The following KCNA2 variants were observed in gnomAD, a reference collection of about 807,000 sequenced individuals.
The protein encoded by KCNA2 is potassium channel, voltage gated shaker related subfamily A, member 2.
Under a neutral mutation model 33.4 loss-of-function variants are expected in KCNA2, and 11 were observed. The observed-to-expected ratio is 0.33, with a 90% CI of 0.21 to 0.55. The LOEUF (loss-of-function observed/expected upper bound fraction) is 0.55, where lower values mean the gene tolerates loss of function less well. KCNA2 is among the 20% of genes least tolerant of loss of function. The probability of loss-of-function intolerance (pLI) is 0.93; values close to 1 mark genes in which losing one functional copy is unlikely to be tolerated. For missense variants in KCNA2, 291 were observed against 621.6 expected, an observed-to-expected ratio of 0.47 and a Z score of 5.66; for synonymous variants, 222 against 231.3, an observed-to-expected ratio of 0.96 and a Z score of 0.37.
chr1:110,613,272 G>A (rs186348588), intron 1 of KCNA2, among the ~76,000 whole-genome samples: 3 of 152,206 alleles, frequency 2.0e-5, no homozygotes, highest in East Asian at 1.9e-4. Flanking sequence ...AATATGCTCC[G>A]GACACAGACC....
chr1:110,596,368 T>C lies in KCNA2; in HGVS notation c.*6915A>G. 6 of 352,736 alleles carry C rather than the reference T, an allele frequency of 1.7e-5. No homozygotes were observed. The highest frequency in any genetic ancestry group is 2.4e-5 in the Non-Finnish European group (6 of 252,470). The allele number at this position is 352,736 out of a possible 1,614,324, so 21.9% of individuals were successfully genotyped here. A position where few individuals can be genotyped will look rare whatever the true frequency, so the allele number is the denominator to read the frequency against. ...ATATATATACACACATAAATATATG[T>C]ATATATGGAAAACCTCTAAAAACTC... On this transcript the variant is annotated 3_prime_UTR_variant, in exon 3 of 3. Transcript: ENST00000316361.
In KCNA2 at chr1:110,597,988, G is replaced by A. The variant is rs867282480; in HGVS notation, c.*5295C>T. 2.3e-4 allele frequency: 229 copies of A among 985,250 alleles called. 1 individual carries two copies. In the Middle Eastern group the frequency reaches 5.2e-3, roughly 22 times the overall value. The allele number at this position is 985,250 out of a possible 1,614,324, so 61.0% of individuals were successfully genotyped here. On this transcript the variant is annotated 3_prime_UTR_variant, in exon 3 of 3. Transcript: ENST00000316361. Reference sequence around the variant, plus strand: ...GTTGCTTTGATAGGGGAACAGGGTTGGACTCAACAAGGGCTAAGTCTGAAG... The same window carrying A: ...GTTGCTTTGATAGGGGAACAGGGTTAGACTCAACAAGGGCTAAGTCTGAAG...
intron 1 of KCNA2, among the ~76,000 whole-genome samples, chr1:110,624,732 AT>A (rs919824443): frequency 2.6e-5 from 4 of 152,122 alleles, no homozygotes; most frequent in African/African-American, 4.8e-5. Context: ...TTGCGAGTGG[AT>A]TTTTTTCTTT....
chr1:110,623,922 CA>C (rs756859389), intron 1 of KCNA2, among the ~76,000 whole-genome samples: 1,996 of 125,268 alleles, frequency 0.016, 14 homozygotes, highest in African/African-American at 0.023. Flanking sequence ...ACAGTGAAGC[CA>C]AAAAAAAAAA....
At chr1:110,612,211 A>C (rs189579697) in intron 1 of KCNA2, among the ~76,000 whole-genome samples, 72 of 152,234 alleles carry the variant, frequency 4.7e-4, no homozygotes, top group African/African-American at 1.7e-3. Flanking sequence ...GCGTCACCTA[A>C]CGATGGAGAC....
Position 110,596,321 on chromosome 1 carries a change from C to CAT in KCNA2, c.*6960_*6961dup. Reference sequence around the variant, plus strand: ...AATTCTATAATTTAAAAATAGTATACATATATACATATACTATATATATAT... The same window carrying CAT: ...AATTCTATAATTTAAAAATAGTATACATATATATACATATACTATATATATAT... On this transcript the variant is annotated 3_prime_UTR_variant, in exon 3 of 3. Transcript: ENST00000316361. 4.3e-6 allele frequency: 2 copies of CAT among 465,736 alleles called. No individual in the cohort carries two copies. Among genetic ancestry groups the CAT allele is most frequent in the Non-Finnish European group, 5.6e-6 (2 of 357,634 alleles). 28.9% of individuals were successfully genotyped at this position (465,736 alleles called of 1,614,324 possible).
chr1:110,596,679 G>C lies in KCNA2; in HGVS notation c.*6604C>G. 1.0e-6 allele frequency: 1 copy of C among 952,574 alleles called. No individual in the cohort carries two copies. The highest frequency in any genetic ancestry group is 1.2e-6 in the Non-Finnish European group (1 of 800,044). 59.0% of individuals were successfully genotyped at this position (952,574 alleles called of 1,614,324 possible). A position where few individuals can be genotyped will look rare whatever the true frequency, so the allele number is the denominator to read the frequency against. ...TACTTAACTAAGGCAGGAAAGTTAT[G>C]CTAACCTACTTAGGAAATATTTTTC... is the stretch of plus-strand genomic sequence containing the variant. On this transcript the variant is annotated 3_prime_UTR_variant, in exon 3 of 3. Transcript: ENST00000316361.
At position 110,596,117 on chromosome 1, in the gene KCNA2, T is replaced by C; in HGVS notation, c.*7166A>G. On this transcript the variant is annotated 3_prime_UTR_variant, in exon 3 of 3. Transcript: ENST00000316361. ...AAAGAGGTGATCCTGTAGCCTGTTC[T>C]TTTTTTATGAAAGATCTGCCTTCTA... 1 of 985,196 alleles carries C rather than the reference T, an allele frequency of 1.0e-6. No homozygotes were observed. The highest frequency in any genetic ancestry group is 1.2e-6 in the Non-Finnish European group (1 of 829,784). 61.0% of individuals were successfully genotyped at this position (985,196 alleles called of 1,614,324 possible). A position where few individuals can be genotyped will look rare whatever the true frequency, so the allele number is the denominator to read the frequency against.
rs1649372395 is a variant in KCNA2 at position 110,601,946 on chromosome 1, A to G, written c.*1337T>C. 1.3e-6 allele frequency: 2 copies of G among 1,498,900 alleles called. No homozygotes were observed. Among genetic ancestry groups the G allele is most frequent in the African/African-American group, 2.8e-5 (2 of 71,348 alleles). The allele number at this position is 1,498,900 out of a possible 1,614,324, so 92.9% of individuals were successfully genotyped here. A position where few individuals can be genotyped will look rare whatever the true frequency, so the allele number is the denominator to read the frequency against. ...TAAGCTTGTACAATGTTCAAATGCA[A>G]TTTCTTTTCTATCACTAGCTAGGTA... On this transcript the variant is annotated 3_prime_UTR_variant, in exon 3 of 3. Coordinates refer to ENST00000316361, the MANE Select transcript of KCNA2 (RefSeq NM_004974.4).
chr1:110,603,193 C>A lies in KCNA2; in HGVS notation c.*90G>T. The stretch of plus-strand genomic sequence containing the variant: ...ATTGCTTTCCATGCAGAACCAGATA[C>A]ACACTGTAGAACACACTGACTACAA... On this transcript the variant is annotated 3_prime_UTR_variant, in exon 3 of 3. Transcript: ENST00000316361. This position sits in a 1 kb window ranked among gnomAD's most constrained non-coding sequence, Gnocchi z 5.7. 6.6e-7 allele frequency: 1 copy of A among 1,512,548 alleles called. No homozygotes were observed. The highest frequency in any genetic ancestry group is 1.4e-5 in the African/African-American group (1 of 71,792). The allele number at this position is 1,512,548 out of a possible 1,614,324, so 93.7% of individuals were successfully genotyped here.
Position 110,603,891 on chromosome 1 carries a change from A to G in KCNA2, c.892T>C (p.Leu298=). ...TTGAAAATCCTAAAGACTCTTACCA[A>G]CCGGATGACACGGAGGATGGCCAGT... is the stretch of plus-strand genomic sequence containing the variant. The part of the protein sequence containing the change: ...MSLAILRVIR[L]VRVFRIFKLS... Residue 298 remains leucine (L), a synonymous_variant, in exon 3 of 3, where the codon TTG becomes CTG. Transcript: ENST00000316361. The surrounding 1 kb of genome is among the most constrained non-coding windows in gnomAD (Gnocchi z 5.7). 1.3e-5 allele frequency: 21 copies of G among 1,614,014 alleles called. No individual in the cohort carries two copies. The highest frequency in any genetic ancestry group is 1.8e-5 in the Non-Finnish European group (21 of 1,180,002).
chr1:110,615,571 C>T (rs1161208593), intron 1 of KCNA2, among the ~76,000 whole-genome samples: 3 of 152,216 alleles, frequency 2.0e-5, no homozygotes, highest in South Asian at 2.1e-4. Flanking sequence ...CCAGATGTTC[C>T]GCTCCTGATC....
chr1:110,607,590 G>C (rs1163172399), upstream of KCNA2: 1 of 152,246 alleles, frequency 6.6e-6, no homozygotes, highest in African/African-American at 2.4e-5. Flanking sequence ...GGCAGAGCCC[G>C]ACTTACTAAC....
intron 1 of KCNA2, among the ~76,000 whole-genome samples, chr1:110,612,034 A>G (rs1255493472): frequency 6.6e-6 from 1 of 152,102 alleles, no homozygotes; most frequent in African/African-American, 2.4e-5. Context: ...AAATAAATAA[A>G]TAAATAAAAT....
chr1:110,629,954 G>GTT (rs138731102), intron 1 of KCNA2, among the ~76,000 whole-genome samples: 1 of 149,482 alleles, frequency 6.7e-6, no homozygotes, highest in African/African-American at 2.5e-5. Context: ...TGGAAGAAGC[G>GTT]TTTTTTTAAA....
At chr1:110,611,274 C>G (rs1649862860), upstream of KCNA2, among the ~76,000 whole-genome samples, 1 of 152,188 alleles carries the variant, frequency 6.6e-6, no homozygotes, top group Admixed American at 6.5e-5. Context: ...TCCACTCCAG[C>G]CCACTACTTA....
At position 110,594,095 on chromosome 1, in the gene KCNA2, T is replaced by C; in HGVS notation, c.*9188A>G. ...CCTTACGAAGCTTTACCATCAGCCT[T>C]GGAGTTCCTTCTGCTATTGATCCCA... On this transcript the variant is annotated 3_prime_UTR_variant, in exon 3 of 3. Transcript: ENST00000316361. The C allele has an allele frequency of 7.1e-7, 1 of 1,415,312 alleles. No homozygotes were observed. Among genetic ancestry groups the C allele is most frequent in the East Asian group, 2.7e-5 (1 of 37,238 alleles). 87.7% of individuals were successfully genotyped at this position (1,415,312 alleles called of 1,614,324 possible). A position where few individuals can be genotyped will look rare whatever the true frequency, so the allele number is the denominator to read the frequency against.
rs182644235 is a variant in KCNA2, at chr1:110,616,770, C to T, written c.-495-11048G>A. On this transcript the variant is annotated intron_variant, in intron 1 of 4. Coordinates refer to the KCNA2 transcript ENST00000369770. ...TGAGTCATGGTCTGTCCTCTAGCCCCGGCTCTAAACCAGGCATCGAGCCAA... is the reference window on the plus strand; with the variant it reads ...TGAGTCATGGTCTGTCCTCTAGCCCTGGCTCTAAACCAGGCATCGAGCCAA... Among the ~76,000 whole-genome samples, 73 of 152,330 alleles carry T rather than the reference C, an allele frequency of 4.8e-4. 1 individual carries two copies. Among genetic ancestry groups the T allele is most frequent in the Admixed American group, 1.8e-3 (27 of 15,310 alleles).
Position 110,600,860 on chromosome 1 carries a change from G to A in KCNA2, c.*2423C>T. The A allele has an allele frequency of 1.0e-6, 1 of 985,398 alleles. No individual in the cohort carries two copies. Among genetic ancestry groups the A allele is most frequent in the Non-Finnish European group, 1.2e-6 (1 of 829,964 alleles). 61.0% of individuals were successfully genotyped at this position (985,398 alleles called of 1,614,324 possible). A position where few individuals can be genotyped will look rare whatever the true frequency, so the allele number is the denominator to read the frequency against. On this transcript the variant is annotated 3_prime_UTR_variant, in exon 3 of 3. Coordinates refer to ENST00000316361, the MANE Select transcript of KCNA2 (RefSeq NM_004974.4). ...TGACCAGGCACTAATGAGCACCCTG[G>A]GCCTAGCACCCTGAGCTGGTGCCCC...
Sources: allele counts gnomAD v4.1 joint callset (sites outside exome capture counted in the v4.1 genomes callset), GRCh38; gene constraint gnomAD v4.1.1; non-coding constraint Gnocchi (gnomAD v3.1); transcripts MANE v1.5; gene names NCBI Gene and HGNC (gene_info 2026-07-23, HGNC 2026-07-21).